Variants in SYMPK observed in about 807,000 individuals in gnomAD.
SYMPK encodes symplekin scaffold protein.
In SYMPK, 49 loss-of-function variants were observed where a neutral mutation model predicts 136.4. The observed-to-expected ratio is 0.36, with a 90% confidence interval of 0.29 to 0.46. The LOEUF (loss-of-function observed/expected upper bound fraction) is 0.46. Ranked by LOEUF, SYMPK falls within the 20% of genes least tolerant of loss-of-function variation. SYMPK has a pLI of 1.00. For synonymous variants in SYMPK, 766 were observed against 713.0 expected, an observed-to-expected ratio of 1.07 and a Z score of -1.19; for missense variants, 1,365 against 1,690.0, an observed-to-expected ratio of 0.81 and a Z score of 3.37.
In SYMPK at chr19:45,818,147, C is replaced by A; in HGVS notation, c.2894-1G>T. The A allele has an allele frequency of 6.5e-7, 1 of 1,540,480 alleles. No homozygotes were observed. Among genetic ancestry groups the A allele is most frequent in the South Asian group, 1.2e-5 (1 of 82,814 alleles). On this transcript the variant is annotated splice_acceptor_variant, in intron 22 of 26. Transcript: ENST00000245934. LOFTEE classifies it high-confidence loss of function. Reference sequence around the variant, plus strand: ...CGCTCCGCAAAGCACAGGTTGGTGGCTGCGAGGAGGCGGAGAGTGGGCCTG... The same window carrying A: ...CGCTCCGCAAAGCACAGGTTGGTGGATGCGAGGAGGCGGAGAGTGGGCCTG...
chr19:45,826,227 T>G lies in SYMPK; in HGVS notation c.2328A>C (p.Thr776=). ...TGCATCTGATGACCTGTGCCCAACC[T>G]GTGTCCTTGTCAGCTCCAAACAGCA... ...PSVLFGADKD[T]EVAAPWTEET... Residue 776 remains threonine, a splice_region_variant and synonymous_variant, in exon 17 of 27, where the codon ACA becomes ACC. Transcript: ENST00000245934. 6.2e-7 allele frequency: 1 copy of G among 1,610,924 alleles called. No homozygotes were observed. The highest frequency in any genetic ancestry group is 8.5e-7 in the Non-Finnish European group (1 of 1,178,560).
intron 3 of SYMPK, among the ~76,000 whole-genome samples, chr19:45,853,648 C>T (rs1971747001): frequency 6.6e-6 from 1 of 151,904 alleles, no homozygotes; most frequent in Non-Finnish European, 1.5e-5. Context: ...CTGCCTCTCT[C>T]ATTTGGTACA....
At position 45,838,477 on chromosome 19, in the gene SYMPK, T is replaced by A; in HGVS notation, c.1226A>T (p.Asp409Val). 1 of 1,613,696 alleles carries A rather than the reference T, an allele frequency of 6.2e-7. No homozygotes were observed. The highest frequency in any genetic ancestry group is 1.1e-5 in the South Asian group (1 of 91,002). Reference sequence around the variant, plus strand: ...CATCCTCACCAGATTAGCCACATTATCAGGCGTCAGCAGAGGCTGCAGGAA... The same window carrying A: ...CATCCTCACCAGATTAGCCACATTAACAGGCGTCAGCAGAGGCTGCAGGAA... ...AEFLQPLLTPDNVANLVLISM... is the reference protein window; with the variant it reads ...AEFLQPLLTPVNVANLVLISM... The change falls in exon 10 of 27, where the codon GAT becomes GTT. Residue 409 changes from aspartate (D) to valine (V), a missense_variant. Coordinates refer to ENST00000245934, the MANE Select transcript of SYMPK (RefSeq NM_004819.3).
In SYMPK at chr19:45,829,045, C is replaced by T. The variant is rs1971110460; in HGVS notation, c.1910G>A (p.Gly637Asp). The T allele has an allele frequency of 6.2e-7, 1 of 1,614,166 alleles. No homozygotes were observed. Among genetic ancestry groups the T allele is most frequent in the East Asian group, 2.2e-5 (1 of 44,870 alleles). ...YNAYLAAGAS[G>D]SLDKYEDCLI... ...GCAGTCCTCATACTTGTCCAGGGAG[C>T]CCGAGGCACCTGCGGCCAGGTAGGC... Residue 637 changes from glycine to aspartate, a missense_variant, in exon 14 of 27, where the codon GGC becomes GAC. Physicochemically the swap from Gly to Asp is moderately conservative, Grantham distance 94. Transcript: ENST00000245934.
At chr19:45,838,819 A>T (rs1049591260) in intron 9 of SYMPK, among the ~76,000 whole-genome samples, 3 of 152,244 alleles carry the variant, frequency 2.0e-5, no homozygotes, top group African/African-American at 7.2e-5. Context: ...TCTGAACCTC[A>T]GATCTCCTGA....
intron 9 of SYMPK, among the ~76,000 whole-genome samples, chr19:45,841,077 C>T (rs1274060463): frequency 6.6e-6 from 1 of 151,832 alleles, no homozygotes; most frequent in African/African-American, 2.4e-5. Flanking sequence ...CCACTGCCCC[C>T]AGTTCAAGCA....
intron 23 of SYMPK, 86 bp from the exon 24 acceptor site, chr19:45,817,060 C>T: frequency 8.0e-6 from 11 of 1,369,442 alleles, no homozygotes; most frequent in Non-Finnish European, 1.1e-5. Flanking sequence ...CTTGCCAAGA[C>T]CATGCCCAAA....
chr19:45,815,567 T>C lies in SYMPK; in HGVS notation c.3818A>G (p.Asn1273Ser). Residue 1273 changes from asparagine (N) to serine (S), a missense_variant, in exon 27 of 27, where the codon AAC (asparagine) becomes AGC (serine). Physicochemically the swap from Asn to Ser is conservative, Grantham distance 46. Around this residue, in one of 11 missense-constraint regions of SYMPK, gnomAD observed 341 missense variants for 270.5 expected, o/e 1.26. Transcript: ENST00000245934. The stretch of plus-strand genomic sequence containing the variant: ...TTTCCCCCTCGAGCCCCGTCAGCTG[T>C]TCCCCTTGGCCTCGGGTTCCCTGGC... ...EDAREPEAKG[N>S]S The C allele has an allele frequency of 1.4e-6, 2 of 1,479,344 alleles. No individual in the cohort carries two copies. The highest frequency in any genetic ancestry group is 1.2e-5 in the South Asian group (1 of 85,146). 91.6% of individuals were successfully genotyped at this position (1,479,344 alleles called of 1,614,324 possible).
At chr19:45,822,704 C>T in intron 21 of SYMPK, 52 bp downstream of exon 21, 1 of 1,544,738 alleles carries the variant, frequency 6.5e-7, no homozygotes, top group Non-Finnish European at 8.9e-7. Context: ...CCTTCTGCCC[C>T]AGCACCTGGG....
In SYMPK at chr19:45,821,042, A is replaced by T. The variant is rs929380361; in HGVS notation, c.2893+342T>A. ...CCCTGCTGCTGCGCCTCTACCACTC[A>T]CGGTGTGCCCTGCTTCCTTCTGTTC... On this transcript the variant is annotated intron_variant, in intron 22 of 26. Transcript: ENST00000245934. The surrounding 1 kb of genome is among the most constrained non-coding windows in gnomAD (Gnocchi z 4.4). 4.9e-6 allele frequency: 3 copies of T among 611,102 alleles called. No homozygotes were observed. The highest frequency in any genetic ancestry group is 8.7e-6 in the Non-Finnish European group (3 of 343,312). The allele number at this position is 611,102 out of a possible 1,614,324, so 37.9% of individuals were successfully genotyped here. A position where few individuals can be genotyped will look rare whatever the true frequency, so the allele number is the denominator to read the frequency against.
chr19:45,834,848 A>G (rs1600509807), intron 11 of SYMPK, among the ~76,000 whole-genome samples: 1 of 152,252 alleles, frequency 6.6e-6, no homozygotes, highest in East Asian at 1.9e-4. Flanking sequence ...TCATACAGAT[A>G]TTAAGTGGAT....
At chr19:45,826,095 G>C in intron 17 of SYMPK, 131 bp downstream of exon 17, 1 of 1,376,106 alleles carries the variant, frequency 7.3e-7, no homozygotes, top group South Asian at 1.4e-5. Context: ...ACAGCCCCCA[G>C]GTGGCTGTCC....
chr19:45,853,464 C>T (rs189797830), intron 3 of SYMPK, among the ~76,000 whole-genome samples: 1 of 152,056 alleles, frequency 6.6e-6, no homozygotes, highest in African/African-American at 2.4e-5. Context: ...CATGGTGAAA[C>T]GCGTCTCTAC....
rs1971136536 is a variant in SYMPK, at chr19:45,830,215, G to A, written c.1599-11C>T. On this transcript the variant is annotated splice_polypyrimidine_tract_variant and intron_variant, in intron 12 of 26. Coordinates refer to ENST00000245934, the MANE Select transcript of SYMPK (RefSeq NM_004819.3). ...CCAGCGCCTGCCAGCCTGTGTGGAA[G>A]AGCAGTGACAGAGATGCAGTGACCC... 1 of 1,607,692 alleles carries A rather than the reference G, an allele frequency of 6.2e-7. No homozygotes were observed.
At chr19:45,856,081 C>T (rs1157961772) in intron 1 of SYMPK, among the ~76,000 whole-genome samples, 1 of 152,146 alleles carries the variant, frequency 6.6e-6, no homozygotes, top group African/African-American at 2.4e-5. Flanking sequence ...AAGCCGGGCG[C>T]GGTGGCTCAC....
intron 24 of SYMPK, 62 bp downstream of exon 24, chr19:45,816,735 AG>A: frequency 2.0e-6 from 3 of 1,480,226 alleles, no homozygotes; most frequent in Non-Finnish European, 2.7e-6. Flanking sequence ...AGAGGGACCC[AG>A]GGGGCCGCCC....
Position 45,852,518 on chromosome 19 carries a change from G to A in SYMPK, c.189C>T (p.Ile63=), listed in dbSNP as rs1173044403. Residue 63 remains isoleucine, a synonymous_variant, in exon 4 of 27, where the codon ATC becomes ATT. Transcript: ENST00000245934. ...TVLKQVQELI[I]NKDPTLLDNF... ...TGTCCAGTAGTGTGGGGTCTTTGTT[G>A]ATGATCAGCTCCTGGACCTGGAAGG... The A allele has an allele frequency of 6.2e-7, 1 of 1,614,154 alleles. No individual in the cohort carries two copies.
chr19:45,854,062 G>A lies in SYMPK; in HGVS notation c.171+113C>T, dbSNP rs1157564708. 12 of 1,010,640 alleles carry A rather than the reference G, an allele frequency of 1.2e-5. No individual in the cohort carries two copies. In the Admixed American group the frequency reaches 1.2e-4, roughly 10 times the overall value. 62.6% of individuals were successfully genotyped at this position (1,010,640 alleles called of 1,614,324 possible). Reference sequence around the variant, plus strand: ...GAGGCCTGCACTGAGCACTGTGGCCGGCACACACTGAGTGTGTAAATGTGG... The same window carrying A: ...GAGGCCTGCACTGAGCACTGTGGCCAGCACACACTGAGTGTGTAAATGTGG... On this transcript the variant is annotated intron_variant, in intron 3 of 26. Transcript: ENST00000245934.
chr19:45,851,391 C>T (rs1971693526), intron 5 of SYMPK, among the ~76,000 whole-genome samples: 1 of 152,032 alleles, frequency 6.6e-6, no homozygotes, highest in Admixed American at 6.6e-5. Context: ...GCCTGGCCAA[C>T]ATGGCAGAAA....
Sources: allele counts gnomAD v4.1 joint callset (sites outside exome capture counted in the v4.1 genomes callset), GRCh38; gene constraint gnomAD v4.1.1; regional missense constraint gnomAD v4.1.1; non-coding constraint Gnocchi (gnomAD v3.1); transcripts MANE v1.5; gene names NCBI Gene and HGNC (gene_info 2026-07-23, HGNC 2026-07-21).